Variants in NHERF2 observed in about 807,000 individuals in gnomAD.
The protein encoded by NHERF2 is Na(+)/H(+) exchange regulatory cofactor NHE-RF2.
the NHERF2 span, chr16:2,027,300 C>T: frequency 1.2e-6 from 1 of 828,528 alleles, no homozygotes; most frequent in Non-Finnish European, 1.6e-6. Context: ...GCACGGGGGC[C>T]CGAGGGGGCT....
At chr16:2,026,923 C>A in the NHERF2 span, 2 of 453,156 alleles carry the variant, frequency 4.4e-6, no homozygotes, top group Non-Finnish European at 5.8e-6. Flanking sequence ...GCCGCTGAAG[C>A]CACCGCCGGG....
chr16:2,036,781 C>A, the NHERF2 span: 2 of 1,613,492 alleles, frequency 1.2e-6, no homozygotes, highest in Non-Finnish European at 8.5e-7. Context: ...TGGCCAGCAT[C>A]AAGGCACGGG....
the NHERF2 span, among the ~76,000 whole-genome samples, chr16:2,027,871 G>C: frequency 6.6e-6 from 1 of 152,218 alleles, no homozygotes. Context: ...GTCCCAGCTG[G>C]TGTGTCTGGG....
chr16:2,035,723 CG>C, the NHERF2 span: 4 of 977,624 alleles, frequency 4.1e-6, no homozygotes, highest in Non-Finnish European at 4.9e-6. Context: ...GGGATGGTAG[CG>C]GGGGGTCCTT....
chr16:2,037,454 G>GT, the NHERF2 span: 1 of 1,245,088 alleles, frequency 8.0e-7, no homozygotes, highest in South Asian at 1.3e-5. Flanking sequence ...CACACACTGG[G>GT]GGGGGGTGTG....
At chr16:2,031,769 A>G in the NHERF2 span, among the ~76,000 whole-genome samples, 1 of 152,036 alleles carries the variant, frequency 6.6e-6, no homozygotes, top group African/African-American at 2.4e-5. Context: ...TTGGCTCACT[A>G]CAACCTCCGC....
At chr16:2,027,312 C>T in the NHERF2 span, 2 of 702,930 alleles carry the variant, frequency 2.8e-6, no homozygotes, top group Non-Finnish European at 4.0e-6. Flanking sequence ...GAGGGGGCTC[C>T]CGCGGGGAGG....
chr16:2,032,520 G>A, the NHERF2 span, among the ~76,000 whole-genome samples: 2 of 152,266 alleles, frequency 1.3e-5, no homozygotes, highest in East Asian at 3.8e-4. This position sits in a 1 kb window ranked among gnomAD's most constrained non-coding sequence, Gnocchi z 4.0. Flanking sequence ...GAGAGGCAGA[G>A]CTCTGGAAGG....
chr16:2,033,456 AGG>A, the NHERF2 span: 2 of 1,500,506 alleles, frequency 1.3e-6, no homozygotes, highest in Non-Finnish European at 1.8e-6. Flanking sequence ...GGAGGAAGGG[AGG>A]GCTAGGAGGA....
At chr16:2,035,749 G>GCCTGT in the NHERF2 span, 1 of 883,770 alleles carries the variant, frequency 1.1e-6, no homozygotes, top group Non-Finnish European at 1.4e-6. Flanking sequence ...GCACCAGGAG[G>GCCTGT]CCCTCTGTGC....
chr16:2,033,478 C>G, the NHERF2 span: 2 of 1,493,182 alleles, frequency 1.3e-6, no homozygotes, highest in East Asian at 2.5e-5. Flanking sequence ...AACCGGCAGC[C>G]GCTCAGCCTC....
At chr16:2,037,843 G>A in the NHERF2 span, 1 of 1,593,658 alleles carries the variant, frequency 6.3e-7, no homozygotes, top group South Asian at 1.1e-5. Flanking sequence ...GTGCCTGGAA[G>A]CAAGATCCCT....
the NHERF2 span, chr16:2,036,379 G>A: frequency 5.0e-6 from 8 of 1,610,608 alleles, no homozygotes; most frequent in African/African-American, 1.3e-5. Flanking sequence ...CTGCGAAAGG[G>A]ACCTCAGGGC....
the NHERF2 span, among the ~76,000 whole-genome samples, chr16:2,034,165 G>T: frequency 6.6e-6 from 1 of 152,194 alleles, no homozygotes; most frequent in South Asian, 2.1e-4. Context: ...GCACTGTGGG[G>T]CTGGCCGCAT....
At chr16:2,028,917 C>T in the NHERF2 span, among the ~76,000 whole-genome samples, 1 of 152,240 alleles carries the variant, frequency 6.6e-6, no homozygotes, top group African/African-American at 2.4e-5. Context: ...GCACCTGCCT[C>T]TCCCCCTCGC....
At chr16:2,032,852 C>CCT in the NHERF2 span, 1 of 1,009,782 alleles carries the variant, frequency 9.9e-7, no homozygotes, top group Non-Finnish European at 1.2e-6. The surrounding 1 kb of genome is among the most constrained non-coding windows in gnomAD (Gnocchi z 4.0). Flanking sequence ...GACCCTGAGC[C>CCT]CTCTGCCCCC....
chr16:2,032,792 C>T, the NHERF2 span: 29 of 996,690 alleles, frequency 2.9e-5, no homozygotes, highest in East Asian at 9.0e-4. The surrounding 1 kb of genome is among the most constrained non-coding windows in gnomAD (Gnocchi z 4.0). Flanking sequence ...GGGACAGCCC[C>T]CAAACAGAGA....
the NHERF2 span, among the ~76,000 whole-genome samples, chr16:2,034,904 T>C: frequency 6.6e-6 from 1 of 152,216 alleles, no homozygotes; most frequent in Non-Finnish European, 1.5e-5. Flanking sequence ...AGGGTCAGCC[T>C]TGAAGCCCCA....
the NHERF2 span, chr16:2,037,919 C>T: frequency 2.5e-6 from 4 of 1,612,462 alleles, no homozygotes; most frequent in African/African-American, 1.3e-5. Context: ...TCGAGCCATG[C>T]GAGTCAACAA....
Sources: allele counts gnomAD v4.1 joint callset (sites outside exome capture counted in the v4.1 genomes callset), GRCh38; gene constraint gnomAD v4.1.1; non-coding constraint Gnocchi (gnomAD v3.1); transcripts MANE v1.5; gene names NCBI Gene and HGNC (gene_info 2026-07-23, HGNC 2026-07-21).